The following RAB2A variants were observed in gnomAD, a reference collection of about 807,000 sequenced individuals.
The protein encoded by RAB2A is RAB2A, member RAS oncogene family.
A neutral mutation model predicts 32.5 loss-of-function variants in RAB2A; 7 were observed. The observed-to-expected ratio is 0.22, with a 90% CI of 0.12 to 0.40. The LOEUF is 0.40. Among genes scored for constraint, RAB2A ranks in the 10% least tolerant of loss-of-function variants. RAB2A has a pLI of 1.00. For missense variants in RAB2A, 108 were observed against 260.7 expected (o/e 0.41, Z 4.03); for synonymous variants, 79 against 85.2 (o/e 0.93, Z 0.40).
At chr8:60,531,390 G>C (rs1258210999) in intron 1 of RAB2A, among the ~76,000 whole-genome samples, 2 of 152,120 alleles carry the variant, frequency 1.3e-5, no homozygotes, top group Admixed American at 1.3e-4. Flanking sequence ...TTCAGTTTTA[G>C]TTTTCTCATC....
intron 6 of RAB2A, among the ~76,000 whole-genome samples, chr8:60,596,818 G>A (rs567879290): frequency 6.6e-6 from 1 of 152,160 alleles, no homozygotes; most frequent in Non-Finnish European, 1.5e-5. Flanking sequence ...CTACTTGGGA[G>A]GCTGAGGCAG....
chr8:60,563,079 A>G (rs1291883003), intron 2 of RAB2A, among the ~76,000 whole-genome samples: 1 of 152,218 alleles, frequency 6.6e-6, no homozygotes, highest in African/African-American at 2.4e-5. Context: ...TTGGTAAAAT[A>G]AGTAGTAAGA....
At chr8:60,537,261 G>T (rs927198476) in intron 1 of RAB2A, among the ~76,000 whole-genome samples, 3 of 151,586 alleles carry the variant, frequency 2.0e-5, no homozygotes, top group African/African-American at 4.9e-5. Flanking sequence ...TGCTCTTGTT[G>T]CCTGGGCTGG....
At chr8:60,519,731 G>C (rs1159976804) in intron 1 of RAB2A, among the ~76,000 whole-genome samples, 1 of 152,164 alleles carries the variant, frequency 6.6e-6, no homozygotes, top group Non-Finnish European at 1.5e-5. Flanking sequence ...CTTTCAGGAA[G>C]AGCGTAGTAG....
intron 2 of RAB2A, among the ~76,000 whole-genome samples, chr8:60,561,004 C>A (rs1033391327): frequency 6.6e-6 from 1 of 152,200 alleles, no homozygotes; most frequent in Non-Finnish European, 1.5e-5. Context: ...AAAAGAAAAA[C>A]CAAGGATCTT....
At chr8:60,532,785 C>T (rs1007432261) in intron 1 of RAB2A, among the ~76,000 whole-genome samples, 2 of 152,246 alleles carry the variant, frequency 1.3e-5, no homozygotes, top group Admixed American at 6.5e-5. Context: ...GCTGGGATTA[C>T]ATACATGAGC....
At chr8:60,604,011 G>A (rs1804182151) in intron 6 of RAB2A, among the ~76,000 whole-genome samples, 1 of 152,184 alleles carries the variant, frequency 6.6e-6, no homozygotes, top group Non-Finnish European at 1.5e-5. Context: ...GTTGGAGGTG[G>A]GGCCTGGTGG....
chr8:60,614,893 T>C (rs1804423773), intron 6 of RAB2A, among the ~76,000 whole-genome samples: 1 of 152,156 alleles, frequency 6.6e-6, no homozygotes, highest in South Asian at 2.1e-4. Flanking sequence ...GGCAGGCTTC[T>C]TTTACTGCAA....
At position 60,566,755 on chromosome 8, in the gene RAB2A, C is replaced by G. The variant is rs148132930; in HGVS notation, c.119-5291C>G. 4.9e-3 allele frequency among the ~76,000 whole-genome samples: 748 copies of G among 152,242 alleles called. 7 individuals are homozygous for G. The highest frequency in any genetic ancestry group is 0.017 in the African/African-American group (694 of 41,532). On this transcript the variant is annotated intron_variant, in intron 2 of 7. Coordinates refer to ENST00000262646, the MANE Select transcript of RAB2A (RefSeq NM_002865.3). The stretch of plus-strand genomic sequence containing the variant: ...ATAGGTAACTTTTCATCCCTTACCC[C>G]CTTCCCAAACTCCACTTTTTTGGAG...
At chr8:60,541,287 CTTAAAGAAGGCCT>C (rs1038433707) in intron 1 of RAB2A, among the ~76,000 whole-genome samples, 3 of 115,112 alleles carry the variant, frequency 2.6e-5, no homozygotes, top group African/African-American at 1.3e-4. Flanking sequence ...CAAGAGGAAC[CTTAAAGAAGGCCT>C]GACAATTAAA....
chr8:60,566,509 C>G (rs901939760), intron 2 of RAB2A, among the ~76,000 whole-genome samples: 1 of 151,876 alleles, frequency 6.6e-6, no homozygotes, highest in Non-Finnish European at 1.5e-5. Flanking sequence ...GGCTTCCTAG[C>G]CTTGCTGTAT....
chr8:60,610,064 T>A (rs1240849103), intron 6 of RAB2A, among the ~76,000 whole-genome samples: 4 of 151,912 alleles, frequency 2.6e-5, no homozygotes, highest in African/African-American at 9.7e-5. Context: ...TGAAAAGGCC[T>A]TTTTAGGTGG....
intron 5 of RAB2A, among the ~76,000 whole-genome samples, chr8:60,587,717 A>T (rs144183360): frequency 6.6e-6 from 1 of 152,212 alleles, no homozygotes; most frequent in Non-Finnish European, 1.5e-5. Flanking sequence ...ATACTTTAAA[A>T]CAATATGTTG....
At chr8:60,560,477 T>G (rs1323445982) in intron 2 of RAB2A, among the ~76,000 whole-genome samples, 2 of 152,232 alleles carry the variant, frequency 1.3e-5, no homozygotes, top group Non-Finnish European at 2.9e-5. Context: ...CATGACTCAT[T>G]TCTAAGACAA....
At position 60,618,520 on chromosome 8, in the gene RAB2A, TATA is replaced by T. The variant is rs879094098; in HGVS notation, c.475-57_475-55del. 32 of 848,692 alleles carry T rather than the reference TATA, an allele frequency of 3.8e-5. No individual in the cohort carries two copies. The Middle Eastern group carries it at 8.1e-4, about 22-fold the overall frequency. The allele number at this position is 848,692 out of a possible 1,614,324, so 52.6% of individuals were successfully genotyped here. ...ATGTTATGATATTCTATAGAGCATATATAATGTTATTTTACTGCTTTGGTTTTA... is the reference window on the plus strand; with the variant it reads ...ATGTTATGATATTCTATAGAGCATATATGTTATTTTACTGCTTTGGTTTTA... On this transcript the variant is annotated intron_variant, in intron 6 of 7. Coordinates refer to ENST00000262646, the MANE Select transcript of RAB2A (RefSeq NM_002865.3).
At chr8:60,564,835 T>A (rs1808080089) in intron 2 of RAB2A, among the ~76,000 whole-genome samples, 1 of 152,216 alleles carries the variant, frequency 6.6e-6, no homozygotes, top group South Asian at 2.1e-4. Flanking sequence ...TATTGCTGTA[T>A]CTGCACCTGG....
chr8:60,552,020 T>TTTTTTTTA (rs55825534), intron 1 of RAB2A: 2 of 148,932 alleles, frequency 1.3e-5, no homozygotes, highest in African/African-American at 4.9e-5. Context: ...TTTTTTTTTT[T>TTTTTTTTA]AAGATGGAGT....
chr8:60,527,070 T>C (rs1807403518), intron 1 of RAB2A, among the ~76,000 whole-genome samples: 1 of 151,882 alleles, frequency 6.6e-6, no homozygotes, highest in African/African-American at 2.4e-5. Flanking sequence ...GAAGCATGGC[T>C]GGGAGGCCTT....
At chr8:60,587,744 G>A (rs573674079) in intron 5 of RAB2A, among the ~76,000 whole-genome samples, 1 of 150,928 alleles carries the variant, frequency 6.6e-6, no homozygotes, top group Non-Finnish European at 1.5e-5. Context: ...ATAAATATAT[G>A]CAATTTTACC....
Sources: gnomAD v4.1 joint callset for allele counts (sites outside exome capture counted in the v4.1 genomes callset) on GRCh38, gnomAD v4.1.1 for gene constraint, MANE v1.5 for transcripts, NCBI Gene and HGNC (gene_info 2026-07-23, HGNC 2026-07-21) for gene names.